The following USP13 variants were observed in gnomAD, a reference collection of about 807,000 sequenced individuals.
The protein encoded by USP13 is ubiquitin specific peptidase 13, also known as ubiquitin carboxyl-terminal hydrolase 13.
USP13 carries 68 observed loss-of-function variants against 107.8 expected under a neutral mutation model. The observed-to-expected ratio is 0.63, with a 90% confidence interval of 0.52 to 0.77. USP13 has a LOEUF of 0.77. USP13 is among the 30% of genes least tolerant of loss of function. The pLI is 0.00. For synonymous variants in USP13, 377 were observed against 389.5 expected, an observed-to-expected ratio of 0.97 and a Z score of 0.38; for missense variants, 945 against 1,093.3, an observed-to-expected ratio of 0.86 and a Z score of 1.91.
At chr3:179,668,709 A>T (rs116056603) in intron 1 of USP13, among the ~76,000 whole-genome samples, 2,381 of 152,314 alleles carry the variant, frequency 0.016, 80 homozygotes, top group African/African-American at 0.055. Context: ...GGCATGAGCC[A>T]CTGCGCCCAG....
rs185317332 is a variant in USP13, at chr3:179,788,199, C to T, written c.*4058C>T. 1 of 152,408 alleles carries T rather than the reference C, an allele frequency of 6.6e-6. No individual in the cohort carries two copies. Among genetic ancestry groups the T allele is most frequent in the East Asian group, 1.9e-4 (1 of 5,180 alleles). The allele number at this position is 152,408 out of a possible 1,614,324, so 9.4% of individuals were successfully genotyped here. ...GCTGCTAAATCACATCAGTACATGCCTTCTGTGGGGAGATGGCAGGGGGCA... is the reference window on the plus strand; with the variant it reads ...GCTGCTAAATCACATCAGTACATGCTTTCTGTGGGGAGATGGCAGGGGGCA... On this transcript the variant is annotated 3_prime_UTR_variant, in exon 21 of 21. Coordinates refer to ENST00000263966, the MANE Select transcript of USP13 (RefSeq NM_003940.3).
chr3:179,719,550 A>C (rs927340525), intron 6 of USP13, among the ~76,000 whole-genome samples: 1 of 151,956 alleles, frequency 6.6e-6, no homozygotes, highest in Non-Finnish European at 1.5e-5. Context: ...GCCGTGGCGG[A>C]TGGCCGTCAT....
intron 5 of USP13, 138 bp from the exon 6 acceptor site, chr3:179,708,635 A>G: frequency 9.0e-7 from 1 of 1,111,954 alleles, no homozygotes; most frequent in Non-Finnish European, 1.3e-6. Context: ...TTGAGGGGAG[A>G]AAATGGGGAA....
rs6443666 is a variant in USP13 at position 179,678,922 on chromosome 3, C to T, written c.169-2956C>T. ...CTTAGAATTTTCAATATGGCCTGTA[C>T]TGTCATTAGGAAATAGAGACCACTT... On this transcript the variant is annotated intron_variant, in intron 1 of 20. Coordinates refer to ENST00000263966, the MANE Select transcript of USP13 (RefSeq NM_003940.3). This position sits in a 1 kb window ranked among gnomAD's most constrained non-coding sequence, Gnocchi z 4.2. Among the ~76,000 whole-genome samples the T allele has an allele frequency of 0.6, 90,964 of 151,952 alleles. 27,350 individuals carry two copies. The highest frequency in any genetic ancestry group is 0.63 in the Non-Finnish European group (43,093 of 67,966).
chr3:179,714,906 T>G (rs1410213345), intron 6 of USP13, among the ~76,000 whole-genome samples: 1 of 149,592 alleles, frequency 6.7e-6, no homozygotes, highest in East Asian at 2.0e-4. Context: ...GGTCTCACTC[T>G]GTTGCCCAGG....
intron 8 of USP13, among the ~76,000 whole-genome samples, chr3:179,724,032 C>G (rs1204173654): frequency 1.3e-5 from 2 of 149,214 alleles, no homozygotes; most frequent in Non-Finnish European, 3.0e-5. Flanking sequence ...TGGTGGTGCA[C>G]ACCTGTAGTC....
intron 15 of USP13, among the ~76,000 whole-genome samples, chr3:179,756,382 G>T (rs1714795929): frequency 6.6e-6 from 1 of 151,954 alleles, no homozygotes; most frequent in African/African-American, 2.4e-5. Flanking sequence ...CTGCATTCCA[G>T]CCTGGCGGCA....
intron 1 of USP13, among the ~76,000 whole-genome samples, chr3:179,665,064 G>A (rs9835581): frequency 0.26 from 39,686 of 152,002 alleles, 6,079 homozygotes; most frequent in Non-Finnish European, 0.35. Context: ...TCCAGCCTGG[G>A]CAACAGAGTG....
chr3:179,785,013 G>A lies in USP13; in HGVS notation c.*872G>A, dbSNP rs1577001228. ...GACATTTGCTGGTGTAATGCTAGAT[G>A]CCCACAGCAGCATAATATTGTACTT... On this transcript the variant is annotated 3_prime_UTR_variant, in exon 21 of 21. Coordinates refer to ENST00000263966, the MANE Select transcript of USP13 (RefSeq NM_003940.3). 6.6e-6 allele frequency: 1 copy of A among 152,324 alleles called. No homozygotes were observed. Among genetic ancestry groups the A allele is most frequent in the East Asian group, 1.9e-4 (1 of 5,190 alleles). 9.4% of individuals were successfully genotyped at this position (152,324 alleles called of 1,614,324 possible).
intron 19 of USP13, among the ~76,000 whole-genome samples, chr3:179,775,461 T>C (rs577750341): frequency 6.6e-6 from 1 of 152,260 alleles, no homozygotes; most frequent in African/African-American, 2.4e-5. Flanking sequence ...CTTTGCCTAG[T>C]GGATCCTGTG....
chr3:179,690,842 G>A (rs772235608), intron 3 of USP13, among the ~76,000 whole-genome samples: 3 of 152,168 alleles, frequency 2.0e-5, no homozygotes, highest in Non-Finnish European at 4.4e-5. Flanking sequence ...GATTTCAGGC[G>A]TGAACCACTG....
intron 19 of USP13, among the ~76,000 whole-genome samples, chr3:179,768,728 G>A (rs148715985): frequency 6.6e-6 from 1 of 152,308 alleles, no homozygotes; most frequent in East Asian, 1.9e-4. Context: ...TTAAGTGAAT[G>A]CCAGGAGGTA....
chr3:179,784,122 A>G lies in USP13; in HGVS notation c.2573A>G (p.Tyr858Cys). The change falls in exon 21 of 21, where the codon TAC becomes TGC. Residue 858 changes from tyrosine to cysteine, a missense_variant. By Grantham distance (194) the Tyr-to-Cys change is radical. Transcript: ENST00000263966. ...PPKDLGYMYF[Y>C]RRIPS ...AAAGACCTGGGCTACATGTACTTTT[A>G]CCGCAGGATACCAAGCTAAACCTCA... 1 of 1,612,396 alleles carries G rather than the reference A, an allele frequency of 6.2e-7. No homozygotes were observed. Among genetic ancestry groups the G allele is most frequent in the Non-Finnish European group, 8.5e-7 (1 of 1,179,512 alleles).
chr3:179,781,280 T>C (rs1418146209), intron 19 of USP13, among the ~76,000 whole-genome samples: 1 of 152,202 alleles, frequency 6.6e-6, no homozygotes, highest in Admixed American at 6.5e-5. Context: ...TTGACATTTG[T>C]TTGGTATTTC....
At chr3:179,698,725 T>A (rs1273167694) in intron 3 of USP13, among the ~76,000 whole-genome samples, 1 of 152,098 alleles carries the variant, frequency 6.6e-6, no homozygotes, top group Non-Finnish European at 1.5e-5. Flanking sequence ...TAGGTTTCTT[T>A]CTCATTTTTG....
At position 179,784,450 on chromosome 3, in the gene USP13, G is replaced by T; in HGVS notation, c.*309G>T. The stretch of plus-strand genomic sequence containing the variant: ...CCATCAGCACATCAAAAATGGGGAT[G>T]TGCCCCCAGCCCTCTATTTTGCTTT... On this transcript the variant is annotated 3_prime_UTR_variant, in exon 21 of 21. Coordinates refer to ENST00000263966, the MANE Select transcript of USP13 (RefSeq NM_003940.3). 1 of 232,022 alleles carries T rather than the reference G, an allele frequency of 4.3e-6. No homozygotes were observed. The highest frequency in any genetic ancestry group is 8.4e-6 in the Non-Finnish European group (1 of 118,394). The allele number at this position is 232,022 out of a possible 1,614,324, so 14.4% of individuals were successfully genotyped here. A position where few individuals can be genotyped will look rare whatever the true frequency, so the allele number is the denominator to read the frequency against.
chr3:179,784,242 T>G lies in USP13; in HGVS notation c.*101T>G. The G allele has an allele frequency of 7.5e-5, 61 of 818,096 alleles. No homozygotes were observed. The highest frequency in any genetic ancestry group is 1.2e-4 in the Non-Finnish European group (58 of 504,214). The allele number at this position is 818,096 out of a possible 1,614,324, so 50.7% of individuals were successfully genotyped here. A position where few individuals can be genotyped will look rare whatever the true frequency, so the allele number is the denominator to read the frequency against. ...GTTGAAACAACTAGACATGAAGGAA[T>G]ATATGGGGTATTTATCGTTTATTTA... On this transcript the variant is annotated 3_prime_UTR_variant, in exon 21 of 21. Coordinates refer to ENST00000263966, the MANE Select transcript of USP13 (RefSeq NM_003940.3).
At chr3:179,751,085 A>C (rs971394384) in intron 13 of USP13, among the ~76,000 whole-genome samples, 1 of 152,236 alleles carries the variant, frequency 6.6e-6, no homozygotes. Flanking sequence ...ACCTATAAAC[A>C]GCTCATTTTC....
chr3:179,764,260 A>G, intron 18 of USP13, 92 bp downstream of exon 18: 1 of 1,456,490 alleles, frequency 6.9e-7, no homozygotes, highest in African/African-American at 1.4e-5. Context: ...TACTTTGATC[A>G]TTTTGATTCA....
Sources: gnomAD v4.1 joint callset for allele counts (sites outside exome capture counted in the v4.1 genomes callset) on GRCh38, gnomAD v4.1.1 for gene constraint, Gnocchi (gnomAD v3.1) non-coding constraint, MANE v1.5 for transcripts, NCBI Gene and HGNC (gene_info 2026-07-23, HGNC 2026-07-21) for gene names.